MOGAT2: variants seen among roughly 807,000 people sequenced by gnomAD.
MOGAT2 encodes the protein monoacylglycerol O-acyltransferase 2.
Under a neutral mutation model 31.5 loss-of-function variants are expected in MOGAT2, and 27 were observed. The ratio of observed to expected loss-of-function variants is 0.86; its 90% CI spans 0.63 to 1.18. The LOEUF (loss-of-function observed/expected upper bound fraction) is 1.18. MOGAT2 is among the 50% of genes most tolerant of loss of function. MOGAT2 has a pLI of 0.00. For synonymous variants in MOGAT2, 163 were observed against 170.0 expected, an observed-to-expected ratio of 0.96 and a Z score of 0.32; for missense variants, 436 against 433.2, an observed-to-expected ratio of 1.01 and a Z score of -0.06.
At chr11:75,725,987 G>A (rs551039496) in intron 2 of MOGAT2, among the ~76,000 whole-genome samples, 1 of 152,342 alleles carries the variant, frequency 6.6e-6, no homozygotes, top group South Asian at 2.1e-4. Context: ...CACCCACAGC[G>A]ATAGTCTTTG....
intron 1 of MOGAT2, among the ~76,000 whole-genome samples, chr11:75,718,981 T>A (rs1219448328): frequency 5.1e-4 from 76 of 150,174 alleles, no homozygotes; most frequent in East Asian, 1.4e-3. Flanking sequence ...TCTCTCTCTC[T>A]CACACACACA....
Position 75,719,808 on chromosome 11 carries a change from A to G in MOGAT2, c.92-184A>G, listed in dbSNP as rs940015893. The G allele has an allele frequency of 5.0e-6, 3 of 602,264 alleles. No individual in the cohort carries two copies. The African/African-American group carries it at 5.5e-5, about 11-fold the overall frequency. The allele number at this position is 602,264 out of a possible 1,614,324, so 37.3% of individuals were successfully genotyped here. A position where few individuals can be genotyped will look rare whatever the true frequency, so the allele number is the denominator to read the frequency against. On this transcript the variant is annotated intron_variant, in intron 1 of 5. Transcript: ENST00000198801. The stretch of plus-strand genomic sequence containing the variant: ...CTCCCAGTGACACTGGGCTGGCCGT[A>G]GTCCCTCTCAGGGACTTTGTCTCCT...
chr11:75,731,172 G>C lies in MOGAT2; in HGVS notation c.891G>C (p.Ser297=), dbSNP rs369041843. 7.4e-6 allele frequency: 12 copies of C among 1,614,028 alleles called. No homozygotes were observed. The highest frequency in any genetic ancestry group is 2.2e-5 in the East Asian group (1 of 44,872). Residue 297 remains serine (S), a synonymous_variant, in exon 6 of 6, where the codon TCG becomes TCC. Transcript: ENST00000198801. ...PIEVQKTLHP[S]EEEVNQLHQR... ...AGGTACAGAAGACGCTGCATCCCTC[G>C]GAGGAGGAGGTGAACCAGCTGCACC...
At chr11:75,726,781 C>T (rs542547179) in intron 2 of MOGAT2, among the ~76,000 whole-genome samples, 2 of 149,276 alleles carry the variant, frequency 1.3e-5, no homozygotes, top group East Asian at 2.0e-4. Context: ...TCACTGCAAC[C>T]TCTGCCTCCT....
chr11:75,723,584 CACA>C (rs1944395926), intron 2 of MOGAT2, among the ~76,000 whole-genome samples: 1 of 152,076 alleles, frequency 6.6e-6, no homozygotes. Context: ...CACGCACCAC[CACA>C]ACTTTTAAAA....
At position 75,717,844 on chromosome 11, in the gene MOGAT2, C is replaced by A. The variant is rs1387472514; in HGVS notation, c.-45C>A. On this transcript the variant is annotated 5_prime_UTR_variant, in exon 1 of 6. Coordinates refer to ENST00000198801, the MANE Select transcript of MOGAT2 (RefSeq NM_025098.4). Reference sequence around the variant, plus strand: ...AAAAACCTGTGGGTGCCTCAGACCACAGCAGAGCTCACAGAACCTGCGGGA... The same window carrying A: ...AAAAACCTGTGGGTGCCTCAGACCAAAGCAGAGCTCACAGAACCTGCGGGA... 1 of 1,594,204 alleles carries A rather than the reference C, an allele frequency of 6.3e-7. No individual in the cohort carries two copies. The highest frequency in any genetic ancestry group is 8.6e-7 in the Non-Finnish European group (1 of 1,164,102).
intron 2 of MOGAT2, among the ~76,000 whole-genome samples, chr11:75,725,839 G>A (rs1944417483): frequency 6.6e-6 from 1 of 152,208 alleles, no homozygotes. Flanking sequence ...GCAGGGCCTG[G>A]GCAGTCCTAT....
Position 75,719,866 on chromosome 11 carries a change from CT to C in MOGAT2, c.92-125del, listed in dbSNP as rs889547856. On this transcript the variant is annotated intron_variant, in intron 1 of 5. Coordinates refer to ENST00000198801, the MANE Select transcript of MOGAT2 (RefSeq NM_025098.4). ...TGCCCCGGAAGCTGCTGTCTTCCTC[CT>C]GGGCCCGAGGATTGGACAGGACAGT... The C allele has an allele frequency of 1.1e-5, 10 of 934,658 alleles. No individual in the cohort carries two copies. The African/African-American group carries it at 1.6e-4, about 15-fold the overall frequency. 57.9% of individuals were successfully genotyped at this position (934,658 alleles called of 1,614,324 possible).
intron 2 of MOGAT2, among the ~76,000 whole-genome samples, chr11:75,723,988 C>A (rs1944398445): frequency 6.6e-6 from 1 of 152,204 alleles, no homozygotes. Flanking sequence ...TGTTTACCCC[C>A]CTTGAACCCT....
Position 75,731,161 on chromosome 11 carries a change from C to T in MOGAT2, c.880C>T (p.Leu294=). 6.2e-7 allele frequency: 1 copy of T among 1,614,088 alleles called. No homozygotes were observed. The highest frequency in any genetic ancestry group is 8.5e-7 in the Non-Finnish European group (1 of 1,180,018). Residue 294 remains leucine (L), a synonymous_variant, in exon 6 of 6, where the codon CTG becomes TTG. Transcript: ENST00000198801. ...GAAGCCCATCGAGGTACAGAAGACGCTGCATCCCTCGGAGGAGGAGGTGAA... is the reference window on the plus strand; with the variant it reads ...GAAGCCCATCGAGGTACAGAAGACGTTGCATCCCTCGGAGGAGGAGGTGAA... ...VGKPIEVQKT[L]HPSEEEVNQL...
At chr11:75,731,107 C>A (rs1488667547) in intron 5 of MOGAT2, 25 bp from the exon 6 acceptor site, 1 of 1,609,298 alleles carries the variant, frequency 6.2e-7, no homozygotes, top group Non-Finnish European at 8.5e-7. Flanking sequence ...TACCCTAGGC[C>A]ACTGCACACC....
rs938808810 is a variant in MOGAT2, at chr11:75,731,481, T to C, written c.*195T>C. On this transcript the variant is annotated 3_prime_UTR_variant, in exon 6 of 6. Coordinates refer to ENST00000198801, the MANE Select transcript of MOGAT2 (RefSeq NM_025098.4). ...AAGGGGTCAGCTGGGGCTAGGACAG[T>C]GAGGGCTGCTAGAGGGGCTGGGCCT... 1.9e-5 allele frequency: 11 copies of C among 582,594 alleles called. No individual in the cohort carries two copies. The Admixed American group carries it at 3.2e-4, about 17-fold the overall frequency. 36.1% of individuals were successfully genotyped at this position (582,594 alleles called of 1,614,324 possible). A position where few individuals can be genotyped will look rare whatever the true frequency, so the allele number is the denominator to read the frequency against.
Position 75,720,170 on chromosome 11 carries a change from G to A in MOGAT2, c.270G>A (p.Ser90=), listed in dbSNP as rs141188154. Residue 90 remains serine (S), a splice_region_variant and synonymous_variant, in exon 2 of 6, where the codon TCG becomes TCA. Transcript: ENST00000198801. ...WKYMKDYFPI[S]LVKTAELDPS... ...ACATGAAGGACTATTTCCCCATCTCGGTGAGTATTGAGGCTGGTTGGGGTT... is the reference window on the plus strand; with the variant it reads ...ACATGAAGGACTATTTCCCCATCTCAGTGAGTATTGAGGCTGGTTGGGGTT... 4.3e-5 allele frequency: 69 copies of A among 1,611,144 alleles called. No homozygotes were observed. Among genetic ancestry groups the A allele is most frequent in the Middle Eastern group, 1.7e-4 (1 of 6,058 alleles).
intron 2 of MOGAT2, among the ~76,000 whole-genome samples, chr11:75,724,178 G>A (rs1043685597): frequency 3.3e-5 from 5 of 152,146 alleles, no homozygotes; most frequent in Non-Finnish European, 7.4e-5. Context: ...ATAGGATTGG[G>A]GTCAGGGAGC....
chr11:75,726,768 G>A lies in MOGAT2; in HGVS notation c.271-667G>A, dbSNP rs565573428. The stretch of plus-strand genomic sequence containing the variant: ...GGCTGGAATGCAGTGGTGTGATCTC[G>A]GCTCACTGCAACCTCTGCCTCCTGG... On this transcript the variant is annotated intron_variant, in intron 2 of 5. Coordinates refer to ENST00000198801, the MANE Select transcript of MOGAT2 (RefSeq NM_025098.4). Among the ~76,000 whole-genome samples, 14 of 143,660 alleles carry A rather than the reference G, an allele frequency of 9.7e-5. No homozygotes were observed. In the East Asian group the frequency reaches 1.9e-3, roughly 19 times the overall value. 94.2% of individuals were successfully genotyped at this position (143,660 alleles called of 152,430 possible).
Position 75,731,385 on chromosome 11 carries a change from C to G in MOGAT2, c.*99C>G. 7.4e-7 allele frequency: 1 copy of G among 1,357,692 alleles called. No individual in the cohort carries two copies. The highest frequency in any genetic ancestry group is 2.4e-5 in the East Asian group (1 of 41,456). The allele number at this position is 1,357,692 out of a possible 1,614,324, so 84.1% of individuals were successfully genotyped here. On this transcript the variant is annotated 3_prime_UTR_variant, in exon 6 of 6. Transcript: ENST00000198801. ...GTTGAACATATCTGCAGAGCCTTCC[C>G]AGACTCCTGCAAATCCAACCCATAT...
At chr11:75,720,215 G>A in intron 2 of MOGAT2, 45 bp downstream of exon 2, 1 of 1,581,836 alleles carries the variant, frequency 6.3e-7, no homozygotes, top group Non-Finnish European at 8.6e-7. Flanking sequence ...GTTGGCTGGG[G>A]TGTGGTCAGG....
intron 2 of MOGAT2, among the ~76,000 whole-genome samples, chr11:75,720,784 A>G (rs1402754328): frequency 6.6e-6 from 1 of 152,186 alleles, no homozygotes; most frequent in Non-Finnish European, 1.5e-5. Flanking sequence ...TAGTAAGTAC[A>G]CTGATTCCTC....
Position 75,731,557 on chromosome 11 carries a change from C to T in MOGAT2, c.*271C>T. ...CTCTCTATATTGAGTGGTCTGTTAACATTCATTGGTGGCTGATTCCAAAAG... is the reference window on the plus strand; with the variant it reads ...CTCTCTATATTGAGTGGTCTGTTAATATTCATTGGTGGCTGATTCCAAAAG... On this transcript the variant is annotated 3_prime_UTR_variant, in exon 6 of 6. Coordinates refer to ENST00000198801, the MANE Select transcript of MOGAT2 (RefSeq NM_025098.4). 3.1e-6 allele frequency: 1 copy of T among 323,628 alleles called. No homozygotes were observed. Among genetic ancestry groups the T allele is most frequent in the Non-Finnish European group, 5.3e-6 (1 of 189,296 alleles). The allele number at this position is 323,628 out of a possible 1,614,324, so 20.0% of individuals were successfully genotyped here.
Sources: allele counts gnomAD v4.1 joint callset (sites outside exome capture counted in the v4.1 genomes callset), GRCh38; gene constraint gnomAD v4.1.1; transcripts MANE v1.5; gene names NCBI Gene and HGNC (gene_info 2026-07-23, HGNC 2026-07-21).